GNG2: variants seen among roughly 807,000 people sequenced by gnomAD.
GNG2 encodes the protein guanine nucleotide-binding protein G(I)/G(S)/G(O) subunit gamma-2.
In GNG2, 5 loss-of-function variants were observed where a neutral mutation model predicts 5.5. The ratio of observed to expected loss-of-function variants is 0.91; its 90% CI spans 0.48 to 1.92. The LOEUF (loss-of-function observed/expected upper bound fraction) is 1.92. Among genes scored for constraint, GNG2 ranks in the 30% most tolerant of loss-of-function variants. The pLI is 0.01. For synonymous variants in GNG2, 28 were observed against 32.0 expected, an observed-to-expected ratio of 0.88 and a Z score of 0.42; for missense variants, 55 against 88.4, an observed-to-expected ratio of 0.62 and a Z score of 1.52.
intron 2 of GNG2, among the ~76,000 whole-genome samples, chr14:51,926,125 T>C (rs996687793): frequency 2.0e-5 from 3 of 152,044 alleles, no homozygotes; most frequent in Non-Finnish European, 4.4e-5. Flanking sequence ...TTTAAAAAAA[T>C]TGTCCACTTT....
intron 2 of GNG2, among the ~76,000 whole-genome samples, chr14:51,913,874 A>G (rs923963258): frequency 6.6e-6 from 1 of 152,240 alleles, no homozygotes; most frequent in East Asian, 1.9e-4. Context: ...TGTTGCATGT[A>G]TATAATTTAT....
At position 51,860,801 on chromosome 14, in the gene GNG2, C is replaced by A. The variant is rs1882422448; in HGVS notation, c.-71+11C>A. 1 of 152,156 alleles carries A rather than the reference C, an allele frequency of 6.6e-6. No individual in the cohort carries two copies. The highest frequency in any genetic ancestry group is 1.5e-5 in the Non-Finnish European group (1 of 68,024). 9.4% of individuals were successfully genotyped at this position (152,156 alleles called of 1,614,324 possible). A position where few individuals can be genotyped will look rare whatever the true frequency, so the allele number is the denominator to read the frequency against. ...GCCTCGGGAGCTAAGGTAAATGAAA[C>A]GTTTTCCATGTTGCTCGTTTTTAAT... On this transcript the variant is annotated intron_variant, in intron 1 of 3. Transcript: ENST00000556766.
At chr14:51,880,531 A>G (rs185026071) in intron 2 of GNG2, among the ~76,000 whole-genome samples, 3 of 152,330 alleles carry the variant, frequency 2.0e-5, no homozygotes, top group East Asian at 3.9e-4. Flanking sequence ...TCTTTTGAGT[A>G]GAATATGGCT....
chr14:51,843,588 A>AAAC (rs1555347682), intron 2 of GNG2, among the ~76,000 whole-genome samples: 13 of 150,798 alleles, frequency 8.6e-5, no homozygotes, highest in African/African-American at 9.7e-5. Context: ...AAAAAAAAAA[A>AAAC]AAACTCAAAT....
At chr14:51,865,089 T>A (rs1193230555) in intron 1 of GNG2, among the ~76,000 whole-genome samples, 2 of 152,312 alleles carry the variant, frequency 1.3e-5, no homozygotes, top group South Asian at 2.1e-4. Flanking sequence ...GGGTCAGACG[T>A]TGACCTTGAA....
At chr14:51,903,840 G>A (rs1885724306) in intron 2 of GNG2, among the ~76,000 whole-genome samples, 1 of 152,152 alleles carries the variant, frequency 6.6e-6, no homozygotes, top group Non-Finnish European at 1.5e-5. Context: ...ACAGTGACAG[G>A]GTAGCTGTGA....
chr14:51,881,626 G>C (rs1884077205), intron 2 of GNG2, among the ~76,000 whole-genome samples: 2 of 151,050 alleles, frequency 1.3e-5, no homozygotes, highest in Admixed American at 6.6e-5. Flanking sequence ...TAAGCAAAGA[G>C]AGCTGTAATT....
chr14:51,880,140 G>C (rs1247857273), intron 2 of GNG2, among the ~76,000 whole-genome samples: 3 of 152,144 alleles, frequency 2.0e-5, no homozygotes, highest in African/African-American at 4.8e-5. Context: ...AAGTCCAATG[G>C]CTCCTTTCTT....
intron 2 of GNG2, among the ~76,000 whole-genome samples, chr14:51,946,943 A>AG (rs1470611367): frequency 1.3e-5 from 2 of 152,166 alleles, no homozygotes. Context: ...GTGAAAAAAA[A>AG]GGGAAAAATG....
At chr14:51,846,780 C>T (rs1335396028) in intron 2 of GNG2, among the ~76,000 whole-genome samples, 1 of 152,208 alleles carries the variant, frequency 6.6e-6, no homozygotes, top group African/African-American at 2.4e-5. Flanking sequence ...GGGACAGGTG[C>T]ATGCACCCCT....
intron 2 of GNG2, 24 bp from the exon 3 acceptor site, chr14:51,950,626 T>C: frequency 7.3e-7 from 1 of 1,376,556 alleles, no homozygotes; most frequent in East Asian, 2.3e-5. Flanking sequence ...TCTGGTACAA[T>C]CTTCTTTTTG....
chr14:51,884,968 A>G (rs1038992986), intron 2 of GNG2, among the ~76,000 whole-genome samples: 1 of 152,312 alleles, frequency 6.6e-6, no homozygotes, highest in East Asian at 1.9e-4. Flanking sequence ...CAAGGCAGTA[A>G]GAATCATGGA....
rs144554505 is a variant in GNG2, at chr14:51,871,676, A to C, written c.-70-5941A>C. Among the ~76,000 whole-genome samples the C allele has an allele frequency of 4.9e-4, 75 of 152,352 alleles. 1 individual carries two copies. In the East Asian group the frequency reaches 0.014, roughly 29 times the overall value. ...TATTGTTATCACAAATCTGCAGTAGAGTATCTTTTATTCTATCCAAGGGAT... is the reference window on the plus strand; with the variant it reads ...TATTGTTATCACAAATCTGCAGTAGCGTATCTTTTATTCTATCCAAGGGAT... On this transcript the variant is annotated intron_variant, in intron 1 of 3. Transcript: ENST00000556766.
At chr14:51,840,077 A>G (rs1881442966) in intron 2 of GNG2, among the ~76,000 whole-genome samples, 1 of 152,184 alleles carries the variant, frequency 6.6e-6, no homozygotes, top group African/African-American at 2.4e-5. Flanking sequence ...GGACTCCAGA[A>G]GGTATAAGAG....
chr14:51,859,700 C>A (rs764813074), upstream of GNG2, among the ~76,000 whole-genome samples: 1 of 152,174 alleles, frequency 6.6e-6, no homozygotes, highest in South Asian at 2.1e-4. Flanking sequence ...GATTGAAATT[C>A]TGGCAGACAG....
At chr14:51,891,464 T>C (rs892495919) in intron 2 of GNG2, among the ~76,000 whole-genome samples, 1 of 152,196 alleles carries the variant, frequency 6.6e-6, no homozygotes, top group Non-Finnish European at 1.5e-5. Context: ...TGCATACATA[T>C]ATATATTAAA....
intron 1 of GNG2, among the ~76,000 whole-genome samples, chr14:51,866,444 A>G (rs945627609): frequency 6.6e-6 from 1 of 152,238 alleles, no homozygotes; most frequent in Admixed American, 6.5e-5. Flanking sequence ...GAGAAGGCAC[A>G]TATTACAGAC....
intron 2 of GNG2, among the ~76,000 whole-genome samples, chr14:51,912,399 A>C (rs1248842367): frequency 5.3e-5 from 8 of 152,074 alleles, no homozygotes; most frequent in Admixed American, 5.2e-4. Flanking sequence ...TAAATACTGA[A>C]TGTGTCCTGA....
chr14:51,842,490 C>T lies in GNG2; in HGVS notation c.64+14683C>T, dbSNP rs59821831. ...GGCTCCGCACACGCAAACGGAAGTG[C>T]TCAGCAGCTGGGACACCCACTGTCC... On this transcript the variant is annotated intron_variant, in intron 2 of 3. Coordinates refer to the GNG2 transcript ENST00000553432. Among the ~76,000 whole-genome samples, 532 of 152,210 alleles carry T rather than the reference C, an allele frequency of 3.5e-3. 2 individuals are homozygous for T. Among genetic ancestry groups the T allele is most frequent in the African/African-American group, 0.013 (520 of 41,532 alleles).
Sources: allele counts gnomAD v4.1 joint callset (sites outside exome capture counted in the v4.1 genomes callset), GRCh38; gene constraint gnomAD v4.1.1; transcripts MANE v1.5; gene names NCBI Gene and HGNC (gene_info 2026-07-23, HGNC 2026-07-21).